The following SELP variants were observed in gnomAD, a reference collection of about 807,000 sequenced individuals.
SELP encodes the protein selectin P, also known as P-selectin.
Under a neutral mutation model 104.1 loss-of-function variants are expected in SELP, and 92 were observed. That is an observed-to-expected ratio of 0.88 (90% CI 0.75 to 1.05). SELP has a LOEUF of 1.05. SELP is among the 50% of genes least tolerant of loss of function. The pLI is 0.00. For synonymous variants in SELP, 397 were observed against 364.5 expected, an observed-to-expected ratio of 1.09 and a Z score of -1.01; for missense variants, 1,022 against 1,017.3, an observed-to-expected ratio of 1.00 and a Z score of -0.06.
chr1:169,595,978 G>T lies in SELP; in HGVS notation c.2048C>A (p.Thr683Asn). Residue 683 changes from threonine (T) to asparagine (N), a missense_variant, in exon 12 of 17, where the codon ACT (threonine) becomes AAT (asparagine). Thr to Asn is a moderately conservative substitution (Grantham distance 65). Coordinates refer to ENST00000263686, the MANE Select transcript of SELP (RefSeq NM_003005.4). ...TTGTCCTGAAGGTCTGCAGCTGAGA[G>T]TGCTGTCTCCTATGAGTGTGAATCC... is the stretch of plus-strand genomic sequence containing the variant. ...NAGFTLIGDS[T>N]LSCRPSGQWT... The T allele has an allele frequency of 6.2e-7, 1 of 1,613,900 alleles. No homozygotes were observed. The highest frequency in any genetic ancestry group is 8.5e-7 in the Non-Finnish European group (1 of 1,179,848).
At chr1:169,620,795 TTG>T (rs779947394) in intron 1 of SELP, among the ~76,000 whole-genome samples, 6,611 of 110,516 alleles carry the variant, frequency 0.06, 185 homozygotes, top group African/African-American at 0.11. Context: ...CGGTGTGGGG[TTG>T]TGTGTGTGTG....
chr1:169,618,055 T>C (rs565400637), intron 2 of SELP, among the ~76,000 whole-genome samples: 55 of 152,312 alleles, frequency 3.6e-4, no homozygotes, highest in Non-Finnish European at 5.0e-4. Flanking sequence ...CCTGCCTCCA[T>C]TGTGCTCATT....
intron 11 of SELP, among the ~76,000 whole-genome samples, chr1:169,596,687 C>T (rs1188876358): frequency 1.3e-5 from 2 of 152,218 alleles, no homozygotes; most frequent in African/African-American, 4.8e-5. Flanking sequence ...TGACTCTACC[C>T]CAGTATTGTC....
At chr1:169,603,305 C>CTGTGTGTGTGTGTGTGTGTG (rs1484274963) in intron 9 of SELP, 94 bp from the exon 10 acceptor site, 131 of 648,098 alleles carry the variant, frequency 2.0e-4, no homozygotes, top group Admixed American at 8.5e-4. Flanking sequence ...CCCTCTCTCT[C>CTGTGTGTGTGTGTGTGTGTG]TCTGTGTGTG....
chr1:169,613,739 G>A (rs1192181093), intron 3 of SELP, 46 bp from the exon 4 acceptor site: 13 of 1,519,508 alleles, frequency 8.6e-6, no homozygotes, highest in African/African-American at 1.4e-5. Context: ...TCACAGATGT[G>A]AGGAAAGGCT....
Position 169,599,578 on chromosome 1 carries a change from A to T in SELP, c.1706-2402T>A, listed in dbSNP as rs960507141. Among the ~76,000 whole-genome samples the T allele has an allele frequency of 1.8e-4, 28 of 152,210 alleles. 1 individual carries two copies. ...TTATTTCAAATAGATTTAGTAAATT[A>T]TCTGTTTCCTTTCATTATATCATTT... On this transcript the variant is annotated intron_variant, in intron 10 of 16. Transcript: ENST00000263686.
chr1:169,612,613 A>G (rs1662599660), intron 5 of SELP, among the ~76,000 whole-genome samples: 1 of 152,214 alleles, frequency 6.6e-6, no homozygotes, highest in South Asian at 2.1e-4. Flanking sequence ...TATCAAATTA[A>G]TAATTCTTAA....
intron 9 of SELP, among the ~76,000 whole-genome samples, chr1:169,605,952 A>G (rs1443226995): frequency 1.3e-5 from 2 of 152,196 alleles, no homozygotes; most frequent in Non-Finnish European, 2.9e-5. Flanking sequence ...ATTCACAAAC[A>G]TGGATGACTA....
At chr1:169,596,281 T>A (rs1661606961) in intron 11 of SELP, 147 bp from the exon 12 acceptor site, 2 of 697,248 alleles carry the variant, frequency 2.9e-6, no homozygotes, top group Non-Finnish European at 2.4e-6. Context: ...TAAGAAAAAC[T>A]ATCAGTGTCA....
At position 169,603,064 on chromosome 1, in the gene SELP, C is replaced by G; in HGVS notation, c.1667G>C (p.Arg556Pro). ...LSGPERLDCT[R>P]SGRWTDSPPM... Reference sequence around the variant, plus strand: ...TGGGGAGTCTGTCCAGCGTCCCGATCGAGTACAATCCAATCTTTCTGGTCC... The same window carrying G: ...TGGGGAGTCTGTCCAGCGTCCCGATGGAGTACAATCCAATCTTTCTGGTCC... The change falls in exon 10 of 17, where the codon CGA becomes CCA. Residue 556 changes from arginine (R) to proline (P), a missense_variant. Physicochemically the swap from Arg to Pro is moderately radical, Grantham distance 103 (BLOSUM62 -2). Transcript: ENST00000263686. 6.2e-7 allele frequency: 1 copy of G among 1,613,968 alleles called. No homozygotes were observed. The highest frequency in any genetic ancestry group is 1.7e-5 in the Admixed American group (1 of 60,002).
At chr1:169,599,934 T>C (rs1571630779) in intron 10 of SELP, among the ~76,000 whole-genome samples, 1 of 152,254 alleles carries the variant, frequency 6.6e-6, no homozygotes, top group East Asian at 1.9e-4. Flanking sequence ...CCAAACATGG[T>C]CACCAGAGGA....
intron 1 of SELP, among the ~76,000 whole-genome samples, chr1:169,629,575 G>T (rs1663535672): frequency 6.6e-6 from 1 of 152,218 alleles, no homozygotes; most frequent in African/African-American, 2.4e-5. Context: ...CTCACAGAAA[G>T]AAATGGGAGG....
At chr1:169,608,456 A>G (rs1466030889) in intron 8 of SELP, among the ~76,000 whole-genome samples, 1 of 152,170 alleles carries the variant, frequency 6.6e-6, no homozygotes, top group East Asian at 1.9e-4. Context: ...GTGGAATCAT[A>G]CAGTATTTGT....
At chr1:169,603,307 C>CTCTCTCTCTGTG (rs879181764) in intron 9 of SELP, 96 bp from the exon 10 acceptor site, 4 of 605,588 alleles carry the variant, frequency 6.6e-6, no homozygotes, top group African/African-American at 6.6e-5. Flanking sequence ...CTCTCTCTCT[C>CTCTCTCTCTGTG]TGTGTGTGTG....
At chr1:169,614,182 G>C (rs1305888458) in intron 3 of SELP, among the ~76,000 whole-genome samples, 2 of 152,200 alleles carry the variant, frequency 1.3e-5, no homozygotes, top group Non-Finnish European at 2.9e-5. Context: ...TCTGAGCTCA[G>C]CTTGCACAGT....
At position 169,595,941 on chromosome 1, in the gene SELP, T is replaced by A; in HGVS notation, c.2085A>T (p.Val695=). The part of the protein sequence containing the change: ...SCRPSGQWTA[V]TPACRAVKCS... ...TCACCTTACCTCTGCATGCTGGAGT[T>A]ACTGCTGTCCATTGTCCTGAAGGTC... Residue 695 remains valine, a synonymous_variant, in exon 12 of 17, where the codon GTA becomes GTT. Coordinates refer to ENST00000263686, the MANE Select transcript of SELP (RefSeq NM_003005.4). 2 of 1,613,666 alleles carry A rather than the reference T, an allele frequency of 1.2e-6. No homozygotes were observed. Among genetic ancestry groups the A allele is most frequent in the Non-Finnish European group, 1.7e-6 (2 of 1,179,752 alleles).
At chr1:169,605,485 G>C (rs1431383121) in intron 9 of SELP, among the ~76,000 whole-genome samples, 1 of 147,012 alleles carries the variant, frequency 6.8e-6, no homozygotes, top group Non-Finnish European at 1.5e-5. Flanking sequence ...GGGTGTGTGT[G>C]TGGGGGGTGT....
intron 8 of SELP, among the ~76,000 whole-genome samples, 161 bp downstream of exon 8, chr1:169,609,343 G>C (rs775551238): frequency 6.6e-6 from 1 of 152,068 alleles, no homozygotes; most frequent in Non-Finnish European, 1.5e-5. Flanking sequence ...CTGGCTTCAC[G>C]CACCGTTTCA....
chr1:169,612,574 G>A (rs1265322753), intron 5 of SELP, among the ~76,000 whole-genome samples, 172 bp from the exon 6 acceptor site: 6 of 152,118 alleles, frequency 3.9e-5, no homozygotes, highest in Non-Finnish European at 7.4e-5. Flanking sequence ...AAACACCCTT[G>A]TTTTTCATGT....
Sources: gnomAD v4.1 joint callset for allele counts (sites outside exome capture counted in the v4.1 genomes callset) on GRCh38, gnomAD v4.1.1 for gene constraint, MANE v1.5 for transcripts, NCBI Gene and HGNC (gene_info 2026-07-23, HGNC 2026-07-21) for gene names.